Variants in SPATA18 observed in about 807,000 individuals in gnomAD.
The protein encoded by SPATA18 is spermatogenesis associated 18.
A neutral mutation model predicts 68.1 loss-of-function variants in SPATA18; 54 were observed. The ratio of observed to expected loss-of-function variants is 0.79; its 90% CI spans 0.64 to 0.99. The LOEUF is 0.99. Among genes scored for constraint, SPATA18 ranks in the 50% least tolerant of loss-of-function variants. The probability of loss-of-function intolerance (pLI) is 0.00; values close to 1 mark genes in which losing one functional copy is unlikely to be tolerated. For missense variants in SPATA18, 724 were observed against 681.1 expected, an observed-to-expected ratio of 1.06 and a Z score of -0.70; for synonymous variants, 242 against 244.8, an observed-to-expected ratio of 0.99 and a Z score of 0.11.
chr4:52,071,803 T>C, intron 5 of SPATA18, 114 bp from the exon 6 acceptor site: 1 of 1,027,562 alleles, frequency 9.7e-7, no homozygotes, highest in Non-Finnish European at 1.4e-6. Flanking sequence ...AATGGCAGGC[T>C]GAGTAGCCTC....
chr4:52,057,920 TGTGCAGG>T (rs1399656104), intron 1 of SPATA18, among the ~76,000 whole-genome samples: 1 of 152,228 alleles, frequency 6.6e-6, no homozygotes, highest in East Asian at 1.9e-4. Context: ...TTAAGTAACT[TGTGCAGG>T]GTCACATAGA....
At chr4:52,081,807 C>A (rs1740939008) in intron 9 of SPATA18, among the ~76,000 whole-genome samples, 2 of 146,888 alleles carry the variant, frequency 1.4e-5, no homozygotes, top group Admixed American at 1.4e-4. Flanking sequence ...GCCTGTTGAG[C>A]TGTTTTTAAT....
intron 11 of SPATA18, among the ~76,000 whole-genome samples, chr4:52,092,364 C>G (rs1347665636): frequency 3.3e-5 from 5 of 152,198 alleles, no homozygotes; most frequent in African/African-American, 1.2e-4. Flanking sequence ...TGGAGGGAAT[C>G]TCCTGGTTTG....
rs1046757708 is a variant in SPATA18 at position 52,091,252 on chromosome 4, T to G, written c.1564-3275T>G. ...TAGAACATACTCCTTTAGCTTGGAG[T>G]TGTTTGTTATTACCATCGTTCTGAA... On this transcript the variant is annotated intron_variant, in intron 11 of 12. Coordinates refer to ENST00000295213, the MANE Select transcript of SPATA18 (RefSeq NM_145263.4). Among the ~76,000 whole-genome samples, 11 of 152,004 alleles carry G rather than the reference T, an allele frequency of 7.2e-5. No homozygotes were observed. The Middle Eastern group carries it at 0.01, about 141-fold the overall frequency.
intron 4 of SPATA18, among the ~76,000 whole-genome samples, chr4:52,064,734 A>G (rs1319071343): frequency 6.6e-6 from 1 of 152,198 alleles, no homozygotes; most frequent in African/African-American, 2.4e-5. Context: ...ACTGCTATAA[A>G]CATACATGTG....
chr4:52,051,438 G>T lies in SPATA18; in HGVS notation c.-267G>T, dbSNP rs1737853400. On this transcript the variant is annotated 5_prime_UTR_variant, in exon 1 of 13. Coordinates refer to ENST00000295213, the MANE Select transcript of SPATA18 (RefSeq NM_145263.4). ...TTTAATAATCGCCAGGGTATCTATGGCCGGGCTCAGGCGGCTGCTGGGGAG... is the reference window on the plus strand; with the variant it reads ...TTTAATAATCGCCAGGGTATCTATGTCCGGGCTCAGGCGGCTGCTGGGGAG... 4 of 509,786 alleles carry T rather than the reference G, an allele frequency of 7.8e-6. No homozygotes were observed. Among genetic ancestry groups the T allele is most frequent in the Non-Finnish European group, 1.4e-5 (4 of 285,268 alleles). The allele number at this position is 509,786 out of a possible 1,614,324, so 31.6% of individuals were successfully genotyped here. A position where few individuals can be genotyped will look rare whatever the true frequency, so the allele number is the denominator to read the frequency against.
chr4:52,073,587 C>G (rs1203345588), intron 6 of SPATA18, among the ~76,000 whole-genome samples: 1 of 152,044 alleles, frequency 6.6e-6, no homozygotes, highest in Non-Finnish European at 1.5e-5. Flanking sequence ...GCCTGAGCAA[C>G]ATGGCAAGAA....
chr4:52,078,793 CG>C lies in SPATA18; in HGVS notation c.1080del (p.Leu361Ter). On this transcript the variant is annotated frameshift_variant, in exon 8 of 13. Coordinates refer to ENST00000295213, the MANE Select transcript of SPATA18 (RefSeq NM_145263.4). LOFTEE classifies it high-confidence loss of function. ...CACTTCAAGATCCATGTGAGAAAAT[CG>C]TTGACACCATCTTATGTGGGGTCGA... ...FRHFKIHVRK[S>X]LTPSYVGSND... The C allele has an allele frequency of 6.2e-7, 1 of 1,606,718 alleles. No individual in the cohort carries two copies. The highest frequency in any genetic ancestry group is 8.5e-7 in the Non-Finnish European group (1 of 1,174,156).
intron 1 of SPATA18, among the ~76,000 whole-genome samples, chr4:52,052,796 CT>C (rs1738013459): frequency 6.6e-6 from 1 of 152,202 alleles, no homozygotes; most frequent in Non-Finnish European, 1.5e-5. Flanking sequence ...GAGATCCTGC[CT>C]GTTATGAGGT....
intron 12 of SPATA18, 105 bp from the exon 13 acceptor site, chr4:52,094,775 C>CTTCA: frequency 6.7e-7 from 1 of 1,496,836 alleles, no homozygotes; most frequent in Non-Finnish European, 9.3e-7. Flanking sequence ...AACCAAGAGG[C>CTTCA]TTCATTGCCA....
chr4:52,080,439 A>C (rs906281867), intron 9 of SPATA18, among the ~76,000 whole-genome samples: 7 of 152,212 alleles, frequency 4.6e-5, no homozygotes, highest in Non-Finnish European at 8.8e-5. Flanking sequence ...TTTGTCTAGG[A>C]CCAATAGATT....
chr4:52,085,755 C>T (rs970847947), intron 11 of SPATA18, among the ~76,000 whole-genome samples: 1 of 151,710 alleles, frequency 6.6e-6, no homozygotes, highest in African/African-American at 2.4e-5. Context: ...AAATTCCCCC[C>T]CAAATTAGCC....
chr4:52,054,620 A>G (rs763922071), intron 1 of SPATA18, among the ~76,000 whole-genome samples: 1 of 152,122 alleles, frequency 6.6e-6, no homozygotes, highest in Non-Finnish European at 1.5e-5. Context: ...ATTAGGCCCT[A>G]TACATCAAAG....
intron 11 of SPATA18, among the ~76,000 whole-genome samples, chr4:52,089,251 A>AT (rs1295110163): frequency 4.0e-5 from 6 of 151,820 alleles, no homozygotes; most frequent in Non-Finnish European, 5.9e-5. Flanking sequence ...GGATTCATTG[A>AT]TTTTTTGAAG....
intron 4 of SPATA18, among the ~76,000 whole-genome samples, chr4:52,066,000 C>G (rs2109436175): frequency 6.6e-6 from 1 of 152,286 alleles, no homozygotes; most frequent in South Asian, 2.1e-4. Flanking sequence ...TTCCGCCACC[C>G]CTGCCCTGGT....
intron 11 of SPATA18, among the ~76,000 whole-genome samples, chr4:52,090,580 C>A (rs1006966071): frequency 3.3e-5 from 5 of 152,174 alleles, no homozygotes; most frequent in East Asian, 1.9e-4. Flanking sequence ...GTTAAAAATT[C>A]TTTTCTTTAA....
Position 52,071,955 on chromosome 4 carries a change from G to A in SPATA18, c.557G>A (p.Arg186Lys). ...CAAGCTCAGGAGGATGCCCGCCACA[G>A]AAACACAGATCAGAGGAGCTCAGAG... is the stretch of plus-strand genomic sequence containing the variant. The part of the protein sequence containing the change: ...SLQAQEDARH[R>K]NTDQRSSENR... The change falls in exon 6 of 13, where the codon AGA becomes AAA. Residue 186 changes from arginine (R) to lysine (K), a missense_variant. Coordinates refer to ENST00000295213, the MANE Select transcript of SPATA18 (RefSeq NM_145263.4). 1 of 1,613,792 alleles carries A rather than the reference G, an allele frequency of 6.2e-7. No individual in the cohort carries two copies. Among genetic ancestry groups the A allele is most frequent in the Non-Finnish European group, 8.5e-7 (1 of 1,179,956 alleles).
intron 1 of SPATA18, among the ~76,000 whole-genome samples, chr4:52,052,546 T>C (rs1737991632): frequency 6.6e-6 from 1 of 152,176 alleles, no homozygotes; most frequent in Non-Finnish European, 1.5e-5. Flanking sequence ...CCGTCTTAAA[T>C]AGGGATTTCC....
rs151135353 is a variant in SPATA18, at chr4:52,096,701, C to T, written c.*1814C>T. ...TGTGTGTATTGGCAACAGAAAATCA[C>T]GGTGTTGTCATTGGATGTGACTTTC... On this transcript the variant is annotated 3_prime_UTR_variant, in exon 13 of 13. Transcript: ENST00000295213. 6 of 151,596 alleles carry T rather than the reference C, an allele frequency of 4.0e-5. No homozygotes were observed. The highest frequency in any genetic ancestry group is 1.9e-4 in the East Asian group (1 of 5,156). 9.4% of individuals were successfully genotyped at this position (151,596 alleles called of 1,614,324 possible). A position where few individuals can be genotyped will look rare whatever the true frequency, so the allele number is the denominator to read the frequency against.
Sources: allele counts gnomAD v4.1 joint callset (sites outside exome capture counted in the v4.1 genomes callset), GRCh38; gene constraint gnomAD v4.1.1; transcripts MANE v1.5; gene names NCBI Gene and HGNC (gene_info 2026-07-23, HGNC 2026-07-21).